IL2RA: variants seen among roughly 807,000 people sequenced by gnomAD.
The protein encoded by IL2RA is interleukin 2 receptor subunit alpha.
In IL2RA, 24 loss-of-function variants were observed where a neutral mutation model predicts 37.8. The observed-to-expected ratio is 0.63, with a 90% CI of 0.46 to 0.89. The LOEUF is 0.89. IL2RA is among the 40% of genes least tolerant of loss of function. The pLI is 0.00. For synonymous variants in IL2RA, 125 were observed against 114.6 expected, an observed-to-expected ratio of 1.09 and a Z score of -0.58; for missense variants, 319 against 348.6, an observed-to-expected ratio of 0.92 and a Z score of 0.68.
At chr10:6,038,294 T>A (rs1839721394) in intron 1 of IL2RA, among the ~76,000 whole-genome samples, 2 of 152,344 alleles carry the variant, frequency 1.3e-5, no homozygotes, top group South Asian at 2.1e-4. Context: ...CTAAACTATC[T>A]GGGTGCTGGG....
chr10:6,019,003 C>A (rs72776071), intron 6 of IL2RA, among the ~76,000 whole-genome samples: 8,334 of 152,104 alleles, frequency 0.055, 356 homozygotes, highest in Admixed American at 0.15. Flanking sequence ...AATCTACCAC[C>A]CTAACAACCA....
At chr10:6,040,329 T>G (rs866734399) in intron 1 of IL2RA, among the ~76,000 whole-genome samples, 1 of 152,252 alleles carries the variant, frequency 6.6e-6, no homozygotes, top group Non-Finnish European at 1.5e-5. Context: ...AAGAACTATT[T>G]ATGAGAATGC....
Position 6,056,211 on chromosome 10 carries a change from A to G in IL2RA, c.64+5877T>C, listed in dbSNP as rs960791190. ...GACTTCAGAATGGGAGCCATTCAGC[A>G]GCAGTTTCATCTCCCGTGTTAAACT... On this transcript the variant is annotated intron_variant, in intron 1 of 7. Transcript: ENST00000379959. This position sits in a 1 kb window ranked among gnomAD's most constrained non-coding sequence, Gnocchi z 5.0. 9.2e-5 allele frequency among the ~76,000 whole-genome samples: 14 copies of G among 152,242 alleles called. No individual in the cohort carries two copies. Among genetic ancestry groups the G allele is most frequent in the Non-Finnish European group, 1.6e-4 (11 of 68,044 alleles).
At position 6,033,592 on chromosome 10, in the gene IL2RA, A is replaced by G. The variant is rs747836025; in HGVS notation, c.65-7567T>C. The stretch of plus-strand genomic sequence containing the variant: ...AAGTAGCTTATGATATAGTCATACT[A>G]TAGAAACCATTCAAAAATAAAAAAT... On this transcript the variant is annotated intron_variant, in intron 1 of 7. Coordinates refer to ENST00000379959, the MANE Select transcript of IL2RA (RefSeq NM_000417.3). The surrounding 1 kb of genome is among the most constrained non-coding windows in gnomAD (Gnocchi z 4.3). Among the ~76,000 whole-genome samples, 79 of 152,360 alleles carry G rather than the reference A, an allele frequency of 5.2e-4. No individual in the cohort carries two copies. The highest frequency in any genetic ancestry group is 1.0e-3 in the Non-Finnish European group (69 of 68,026).
rs114430376 is a variant in IL2RA at position 6,037,225 on chromosome 10, G to A, written c.65-11200C>T. Among the ~76,000 whole-genome samples the A allele has an allele frequency of 1.2e-3, 186 of 152,286 alleles. 1 individual carries two copies. Among genetic ancestry groups the A allele is most frequent in the African/African-American group, 4.4e-3 (183 of 41,556 alleles). ...GAGGAAAGGTGTGTGGGTGAGAAAC[G>A]TTTGTCGGTTGAGTAACTTTTTGTC... On this transcript the variant is annotated intron_variant, in intron 1 of 7. Transcript: ENST00000379959.
chr10:6,053,210 C>T lies in IL2RA; in HGVS notation c.64+8878G>A, dbSNP rs145944300. Among the ~76,000 whole-genome samples, 236 of 152,310 alleles carry T rather than the reference C, an allele frequency of 1.5e-3. 1 individual carries two copies. The highest frequency in any genetic ancestry group is 4.7e-3 in the Admixed American group (72 of 15,300). On this transcript the variant is annotated intron_variant, in intron 1 of 7. Transcript: ENST00000379959. ...AAAAAGGCAGGTTCTGGAATGAGAG[C>T]GCCTGCTTCCTATCCTAGCCCCTTC...
At chr10:6,059,532 G>A (rs1383715404) in intron 1 of IL2RA, among the ~76,000 whole-genome samples, 1 of 152,116 alleles carries the variant, frequency 6.6e-6, no homozygotes, top group East Asian at 1.9e-4. Flanking sequence ...TTATCACTAG[G>A]AGAATTCTCT....
At chr10:6,019,240 CAACT>C (rs1468536840) in intron 6 of IL2RA, among the ~76,000 whole-genome samples, 184 bp downstream of exon 6, 1 of 151,984 alleles carries the variant, frequency 6.6e-6, no homozygotes, top group African/African-American at 2.4e-5. Flanking sequence ...AGCAACCAAC[CAACT>C]AACCAACTAA....
Position 6,035,098 on chromosome 10 carries a change from G to T in IL2RA, c.65-9073C>A, listed in dbSNP as rs1038644646. ...TTGGGGCTCCCCACCCTGCACTAGG[G>T]TCTCACACAAAGGGGTTGGCACAGG... On this transcript the variant is annotated intron_variant, in intron 1 of 7. Transcript: ENST00000379959. The surrounding 1 kb of genome is among the most constrained non-coding windows in gnomAD (Gnocchi z 5.4). Among the ~76,000 whole-genome samples, 5 of 152,146 alleles carry T rather than the reference G, an allele frequency of 3.3e-5. No individual in the cohort carries two copies. The highest frequency in any genetic ancestry group is 1.2e-4 in the African/African-American group (5 of 41,434).
chr10:6,032,547 G>T (rs984873119), intron 1 of IL2RA, among the ~76,000 whole-genome samples: 4 of 152,036 alleles, frequency 2.6e-5, no homozygotes, highest in Admixed American at 1.3e-4. Flanking sequence ...AAAAAAATTA[G>T]CCGGGTGTGG....
chr10:6,046,475 G>A lies in IL2RA; in HGVS notation c.64+15613C>T, dbSNP rs1839861894. Reference sequence around the variant, plus strand: ...TCAGGCACTGTGGGATTGATGGAGTGGACAGCATAGAGCAGAGAGCTTACG... The same window carrying A: ...TCAGGCACTGTGGGATTGATGGAGTAGACAGCATAGAGCAGAGAGCTTACG... On this transcript the variant is annotated intron_variant, in intron 1 of 7. Coordinates refer to ENST00000379959, the MANE Select transcript of IL2RA (RefSeq NM_000417.3). The surrounding 1 kb of genome is among the most constrained non-coding windows in gnomAD (Gnocchi z 4.8). Among the ~76,000 whole-genome samples, 1 of 152,170 alleles carries A rather than the reference G, an allele frequency of 6.6e-6. No individual in the cohort carries two copies. Among genetic ancestry groups the A allele is most frequent in the Non-Finnish European group, 1.5e-5 (1 of 68,030 alleles).
At position 6,025,658 on chromosome 10, in the gene IL2RA, CAA is replaced by C. The variant is rs35349809; in HGVS notation, c.256+174_256+175del. Among the ~76,000 whole-genome samples the C allele has an allele frequency of 1.5e-5, 2 of 132,116 alleles. No individual in the cohort carries two copies. The highest frequency in any genetic ancestry group is 1.7e-5 in the Non-Finnish European group (1 of 60,428). 86.7% of individuals were successfully genotyped at this position (132,116 alleles called of 152,430 possible). Reference sequence around the variant, plus strand: ...AGGCAACAGAGTGAGAGTCTGTCTCCAAAAAAAAAAAAAATTGTGTTTAGTGA... The same window carrying C: ...AGGCAACAGAGTGAGAGTCTGTCTCCAAAAAAAAAAAATTGTGTTTAGTGA... On this transcript the variant is annotated intron_variant, in intron 2 of 7. Coordinates refer to ENST00000379959, the MANE Select transcript of IL2RA (RefSeq NM_000417.3). The surrounding 1 kb of genome is among the most constrained non-coding windows in gnomAD (Gnocchi z 4.4).
chr10:6,061,584 C>T (rs576045745), intron 1 of IL2RA, among the ~76,000 whole-genome samples: 8 of 152,184 alleles, frequency 5.3e-5, no homozygotes, highest in African/African-American at 1.9e-4. Flanking sequence ...TTTCCTAAGA[C>T]GTAAAAGCAG....
chr10:6,049,682 G>C (rs12722636), intron 1 of IL2RA, among the ~76,000 whole-genome samples: 6,024 of 152,156 alleles, frequency 0.04, 421 homozygotes, highest in African/African-American at 0.14. Flanking sequence ...TCTTTACACG[G>C]CACTCACCCT....
chr10:6,026,544 C>G (rs1043446974), intron 1 of IL2RA, among the ~76,000 whole-genome samples: 1 of 152,200 alleles, frequency 6.6e-6, no homozygotes, highest in Non-Finnish European at 1.5e-5. Flanking sequence ...CTGCCCACCT[C>G]TGAGTTCACC....
Position 6,057,052 on chromosome 10 carries a change from A to G in IL2RA, c.64+5036T>C, listed in dbSNP as rs1840056543. Among the ~76,000 whole-genome samples the G allele has an allele frequency of 1.3e-5, 2 of 152,200 alleles. No homozygotes were observed. Among genetic ancestry groups the G allele is most frequent in the Admixed American group, 1.3e-4 (2 of 15,278 alleles). ...TCACCCTCATGAAGCTTTCTCTGAT[A>G]GCCCCATGCTCAGTAGATCTTACCA... On this transcript the variant is annotated intron_variant, in intron 1 of 7. Transcript: ENST00000379959. The surrounding 1 kb of genome is among the most constrained non-coding windows in gnomAD (Gnocchi z 4.8).
At chr10:6,061,215 C>A (rs1453694050) in intron 1 of IL2RA, among the ~76,000 whole-genome samples, 1 of 152,022 alleles carries the variant, frequency 6.6e-6, no homozygotes, top group African/African-American at 2.4e-5. Flanking sequence ...ATGGCAAAAA[C>A]CCCATCTCTA....
chr10:6,050,506 C>T (rs373723272), intron 1 of IL2RA, among the ~76,000 whole-genome samples: 6 of 152,116 alleles, frequency 3.9e-5, no homozygotes, highest in East Asian at 1.9e-4. Flanking sequence ...TCAGGCATGG[C>T]GATGGGGCAT....
At position 6,018,737 on chromosome 10, in the gene IL2RA, C is replaced by T. The variant is rs1398651010; in HGVS notation, c.728-618G>A. Among the ~76,000 whole-genome samples the T allele has an allele frequency of 1.3e-5, 2 of 152,296 alleles. No individual in the cohort carries two copies. Among genetic ancestry groups the T allele is most frequent in the Non-Finnish European group, 1.5e-5 (1 of 68,024 alleles). On this transcript the variant is annotated intron_variant, in intron 6 of 7. Transcript: ENST00000379959. The surrounding 1 kb of genome is among the most constrained non-coding windows in gnomAD (Gnocchi z 5.1). ...TGACTTGAGACTTTGCTCACAGCAT[C>T]CTGTAACTGGTTCATGCGAATTCTG...
Sources: allele counts gnomAD v4.1 joint callset (sites outside exome capture counted in the v4.1 genomes callset), GRCh38; gene constraint gnomAD v4.1.1; non-coding constraint Gnocchi (gnomAD v3.1); transcripts MANE v1.5; gene names NCBI Gene and HGNC (gene_info 2026-07-23, HGNC 2026-07-21).